The following DENND1B variants were observed in gnomAD, a reference collection of about 807,000 sequenced individuals.
DENND1B encodes DENN domain containing 1B, also known as DENN domain-containing protein 1B.
Under a neutral mutation model 90.1 loss-of-function variants are expected in DENND1B, and 59 were observed. That is an observed-to-expected ratio of 0.65 (90% confidence interval 0.53 to 0.81). The LOEUF (loss-of-function observed/expected upper bound fraction) is 0.81. DENND1B is among the 40% of genes least tolerant of loss of function. DENND1B has a pLI of 0.00. For missense variants in DENND1B, 862 were observed against 912.6 expected, an observed-to-expected ratio of 0.94 and a Z score of 0.71; for synonymous variants, 337 against 324.6, an observed-to-expected ratio of 1.04 and a Z score of -0.41.
At chr1:197,581,313 G>A (rs1295727713) in intron 15 of DENND1B, among the ~76,000 whole-genome samples, 1 of 152,120 alleles carries the variant, frequency 6.6e-6, no homozygotes, top group Non-Finnish European at 1.5e-5. Flanking sequence ...CAGCCAATTT[G>A]TGCAAGTAAG....
chr1:197,725,871 G>A (rs999638079), intron 2 of DENND1B, among the ~76,000 whole-genome samples: 16 of 152,034 alleles, frequency 1.1e-4, no homozygotes, highest in Non-Finnish European at 2.1e-4. Flanking sequence ...TCTGTGTTGA[G>A]TATAAACTGA....
At chr1:197,746,984 T>C in intron 2 of DENND1B, 2 of 1,002,650 alleles carry the variant, frequency 2.0e-6, no homozygotes, top group Non-Finnish European at 3.2e-6. Flanking sequence ...TGGTCTATCC[T>C]CTCTTCAAGG....
chr1:197,675,900 C>G (rs1196391139), intron 3 of DENND1B, among the ~76,000 whole-genome samples: 1 of 151,958 alleles, frequency 6.6e-6, no homozygotes, highest in African/African-American at 2.4e-5. Context: ...GTTGCTCAAT[C>G]TTTCACACCC....
intron 10 of DENND1B, among the ~76,000 whole-genome samples, chr1:197,620,176 AT>A (rs1327389978): frequency 6.6e-6 from 1 of 151,274 alleles, no homozygotes; most frequent in Non-Finnish European, 1.5e-5. Context: ...ACCTAGTAGC[AT>A]GCAAGAGCTG....
At chr1:197,725,914 C>T (rs577546793) in intron 2 of DENND1B, among the ~76,000 whole-genome samples, 1 of 151,892 alleles carries the variant, frequency 6.6e-6, no homozygotes, top group South Asian at 2.1e-4. Flanking sequence ...AGTTATGATG[C>T]TACAGATAAT....
At chr1:197,714,040 G>A (rs1408054923) in intron 3 of DENND1B, among the ~76,000 whole-genome samples, 7 of 62,080 alleles carry the variant, frequency 1.1e-4, no homozygotes, top group African/African-American at 1.7e-4. Flanking sequence ...GCCCAGGCAC[G>A]ATCTCGGCTC....
At chr1:197,780,643 C>T (rs577494321), upstream of DENND1B, among the ~76,000 whole-genome samples, 5 of 152,192 alleles carry the variant, frequency 3.3e-5, no homozygotes, top group South Asian at 8.3e-4. Context: ...GTCCCCCATC[C>T]TCCACCCCTA....
At chr1:197,568,447 G>A (rs960856960) in intron 15 of DENND1B, among the ~76,000 whole-genome samples, 13 of 152,050 alleles carry the variant, frequency 8.5e-5, no homozygotes, top group East Asian at 1.9e-4. Context: ...ACAGTTCAAC[G>A]TAATTCCTAC....
chr1:197,720,888 T>C (rs1477592561), intron 2 of DENND1B, among the ~76,000 whole-genome samples: 1 of 152,040 alleles, frequency 6.6e-6, no homozygotes, highest in African/African-American at 2.4e-5. Context: ...TGATAAAACA[T>C]ATATAAGCAG....
chr1:197,714,013 G>A (rs573294917), intron 3 of DENND1B, among the ~76,000 whole-genome samples: 15 of 19,982 alleles, frequency 7.5e-4, no homozygotes, highest in Admixed American at 3.1e-3. Flanking sequence ...TTTTTGGGAC[G>A]GAGTCTCACA....
chr1:197,539,615 AT>A (rs1476432584), intron 20 of DENND1B, among the ~76,000 whole-genome samples: 1 of 152,206 alleles, frequency 6.6e-6, no homozygotes, highest in Non-Finnish European at 1.5e-5. Flanking sequence ...CCAAATACCC[AT>A]GTATAAGATT....
intron 2 of DENND1B, chr1:197,746,704 A>T: frequency 1.2e-6 from 1 of 844,576 alleles, no homozygotes; most frequent in South Asian, 1.4e-5. Flanking sequence ...GTTCTCAGTA[A>T]ATTGAGCATT....
At chr1:197,749,816 G>A (rs1653214324) in intron 2 of DENND1B, among the ~76,000 whole-genome samples, 2 of 152,026 alleles carry the variant, frequency 1.3e-5, no homozygotes, top group Non-Finnish European at 1.5e-5. Context: ...TCAATTTATA[G>A]TGAAGTTTTT....
At chr1:197,685,129 C>A (rs982019663) in intron 3 of DENND1B, among the ~76,000 whole-genome samples, 1 of 151,866 alleles carries the variant, frequency 6.6e-6, no homozygotes, top group Non-Finnish European at 1.5e-5. Flanking sequence ...AAAAACAAAA[C>A]AAAACAAAAC....
At chr1:197,745,598 C>A (rs1425090936) in intron 2 of DENND1B, among the ~76,000 whole-genome samples, 1 of 142,524 alleles carries the variant, frequency 7.0e-6, no homozygotes, top group Non-Finnish European at 1.5e-5. Context: ...TCACTGATAA[C>A]AGATCACCAT....
intron 12 of DENND1B, among the ~76,000 whole-genome samples, chr1:197,609,324 A>G (rs1169420678): frequency 1.3e-5 from 2 of 150,810 alleles, no homozygotes; most frequent in African/African-American, 4.8e-5. Context: ...ACATTAATAC[A>G]AAGAAATGAC....
At chr1:197,542,456 TA>T (rs1467997955) in intron 18 of DENND1B, among the ~76,000 whole-genome samples, 47 of 152,194 alleles carry the variant, frequency 3.1e-4, no homozygotes, top group African/African-American at 1.1e-3. Context: ...AAAACAAATA[TA>T]AAAGTAGGGA....
chr1:197,606,066 T>C (rs928225550), intron 13 of DENND1B: 1 of 150,852 alleles, frequency 6.6e-6, no homozygotes, highest in Non-Finnish European at 1.5e-5. Flanking sequence ...AATGCTTTGT[T>C]TTTTTAAAAA....
chr1:197,654,612 A>G (rs1653612885), intron 6 of DENND1B, among the ~76,000 whole-genome samples: 1 of 151,804 alleles, frequency 6.6e-6, no homozygotes. Flanking sequence ...TCCGTCTCAA[A>G]AAAAAAAAAA....
Sources: allele counts gnomAD v4.1 joint callset (sites outside exome capture counted in the v4.1 genomes callset), GRCh38; gene constraint gnomAD v4.1.1; transcripts MANE v1.5; gene names NCBI Gene and HGNC (gene_info 2026-07-23, HGNC 2026-07-21).